ANXA6: variants seen among roughly 807,000 people sequenced by gnomAD.
ANXA6 encodes the protein 67 kDa calelectrin.
In ANXA6, 71 loss-of-function variants were observed where a neutral mutation model predicts 95.4. The observed-to-expected ratio is 0.74, with a 90% CI of 0.61 to 0.91. The LOEUF (loss-of-function observed/expected upper bound fraction) is 0.91, where lower values mean the gene tolerates loss of function less well. ANXA6 is among the 40% of genes least tolerant of loss of function. The pLI is 0.00. For missense variants in ANXA6, 830 were observed against 876.4 expected (o/e 0.95, Z 0.67); for synonymous variants, 289 against 315.9 (o/e 0.91, Z 0.90).
intron 19 of ANXA6, 131 bp downstream of exon 19, chr5:151,117,627 C>T: frequency 1.3e-6 from 1 of 776,628 alleles, no homozygotes; most frequent in Non-Finnish European, 2.1e-6. Flanking sequence ...TCTAAGGAGG[C>T]AAGTGGGGAG....
chr5:151,101,850 C>T (rs1764559800), intron 25 of ANXA6, among the ~76,000 whole-genome samples: 1 of 152,198 alleles, frequency 6.6e-6, no homozygotes, highest in African/African-American at 2.4e-5. Context: ...CTGTGCACCC[C>T]CAATCCCATT....
At position 151,122,140 on chromosome 5, in the gene ANXA6, A is replaced by G. The variant is rs1765184537; in HGVS notation, c.1347+7T>C. On this transcript the variant is annotated splice_region_variant and intron_variant, in intron 17 of 25. Coordinates refer to ENST00000354546, the MANE Select transcript of ANXA6 (RefSeq NM_001155.5). Reference sequence around the variant, plus strand: ...CAGACACTAGACCCCCTGGTGCCACACTGTACCTCCATGGCCTTCTTCAAC... The same window carrying G: ...CAGACACTAGACCCCCTGGTGCCACGCTGTACCTCCATGGCCTTCTTCAAC... The G allele has an allele frequency of 1.3e-6, 2 of 1,571,684 alleles. No homozygotes were observed. The highest frequency in any genetic ancestry group is 2.8e-5 in the African/African-American group (2 of 72,374).
At chr5:151,152,253 G>A (rs777901226) in intron 1 of ANXA6, among the ~76,000 whole-genome samples, 7 of 152,214 alleles carry the variant, frequency 4.6e-5, no homozygotes, top group East Asian at 1.9e-4. Flanking sequence ...ATGAAGTAAC[G>A]GGGGGAAAAC....
At chr5:151,113,029 C>T (rs751016196) in intron 20 of ANXA6, among the ~76,000 whole-genome samples, 14 of 152,126 alleles carry the variant, frequency 9.2e-5, no homozygotes, top group Admixed American at 4.6e-4. Flanking sequence ...TTTTGCATGA[C>T]GAAAACAGTT....
intron 2 of ANXA6, among the ~76,000 whole-genome samples, chr5:151,144,123 CT>C (rs1357953767): frequency 3.3e-5 from 5 of 152,192 alleles, no homozygotes; most frequent in African/African-American, 4.8e-5. Context: ...AGCTCTAGCC[CT>C]GCTGGGCTGG....
At position 151,131,301 on chromosome 5, in the gene ANXA6, G is replaced by A. The variant is rs901253786; in HGVS notation, c.737-12C>T. On this transcript the variant is annotated splice_polypyrimidine_tract_variant and intron_variant, in intron 10 of 25. Transcript: ENST00000354546. ...CCGGATACACTTCACTGTGAAGAGG[G>A]AGGAAGAGGTAGAGTTATTCTGGCT... is the stretch of plus-strand genomic sequence containing the variant. 1.2e-6 allele frequency: 2 copies of A among 1,613,862 alleles called. No homozygotes were observed. The highest frequency in any genetic ancestry group is 1.3e-5 in the African/African-American group (1 of 75,050).
At chr5:151,147,825 G>A in intron 2 of ANXA6, 59 bp downstream of exon 2, 2 of 1,559,224 alleles carry the variant, frequency 1.3e-6, no homozygotes, top group South Asian at 2.3e-5. Context: ...AGTGGCTCCA[G>A]GAGGATCCCA....
intron 14 of ANXA6, among the ~76,000 whole-genome samples, chr5:151,125,462 A>C (rs1010053175): frequency 6.6e-6 from 1 of 152,228 alleles, no homozygotes; most frequent in South Asian, 2.1e-4. Flanking sequence ...TAATAAAAAC[A>C]AAAGAGGTGA....
Position 151,124,156 on chromosome 5 carries a change from T to C in ANXA6, c.1138+130A>G, listed in dbSNP as rs184680498. The stretch of plus-strand genomic sequence containing the variant: ...CTCTGGGAGCTAGGAGGGTGGAAAC[T>C]TGAGATCAAGCCTTCCTCATCCTGC... On this transcript the variant is annotated intron_variant, in intron 15 of 25. Transcript: ENST00000354546. 665 of 790,682 alleles carry C rather than the reference T, an allele frequency of 8.4e-4. 4 individuals are homozygous for C. The African/African-American group carries it at 0.01, about 12-fold the overall frequency. The allele number at this position is 790,682 out of a possible 1,614,324, so 49.0% of individuals were successfully genotyped here. A position where few individuals can be genotyped will look rare whatever the true frequency, so the allele number is the denominator to read the frequency against.
intron 4 of ANXA6, chr5:151,138,994 C>A: frequency 1.7e-6 from 1 of 605,416 alleles, no homozygotes; most frequent in South Asian, 2.0e-5. Context: ...TGTCATGCTG[C>A]TAGCAAACGG....
chr5:151,130,707 G>T (rs1006985552), intron 11 of ANXA6, among the ~76,000 whole-genome samples: 4 of 134,734 alleles, frequency 3.0e-5, no homozygotes, highest in African/African-American at 8.6e-5. Context: ...GGCCAGAAAG[G>T]CCCAAGCTCC....
At chr5:151,107,428 C>G (rs1200083297) in intron 23 of ANXA6, among the ~76,000 whole-genome samples, 1 of 152,148 alleles carries the variant, frequency 6.6e-6, no homozygotes. Context: ...TGCTTTTATT[C>G]GTCGGGCTAT....
At chr5:151,138,374 A>G (rs12519495) in intron 5 of ANXA6, among the ~76,000 whole-genome samples, 38,788 of 152,104 alleles carry the variant, frequency 0.26, 5,955 homozygotes, top group South Asian at 0.53. Context: ...GCCCAGGGTC[A>G]TGTTGATTAC....
intron 20 of ANXA6, among the ~76,000 whole-genome samples, chr5:151,113,164 G>T (rs1764897372): frequency 6.6e-6 from 1 of 152,188 alleles, no homozygotes; most frequent in African/African-American, 2.4e-5. Context: ...ACTTTGGGAG[G>T]CTGAGGCAGG....
intron 23 of ANXA6, among the ~76,000 whole-genome samples, chr5:151,105,602 G>A (rs924454439): frequency 1.3e-5 from 2 of 152,148 alleles, no homozygotes; most frequent in African/African-American, 4.8e-5. Context: ...CCAAGGCACG[G>A]GGCCTCAAAT....
intron 20 of ANXA6, among the ~76,000 whole-genome samples, chr5:151,114,613 T>TAAAAAAAAAAAAAAAAAAAAAA: frequency 1.4e-5 from 1 of 70,298 alleles, no homozygotes; most frequent in East Asian, 5.0e-4. Context: ...GACTCCGTCT[T>TAAAAAAAAAAAAAAAAAAAAAA]AAAAAAAAAA....
At chr5:151,131,641 G>T (rs1038440288) in intron 10 of ANXA6, among the ~76,000 whole-genome samples, 1 of 152,138 alleles carries the variant, frequency 6.6e-6, no homozygotes, top group Admixed American at 6.5e-5. Flanking sequence ...CACCAGAAAG[G>T]TACTGGCAGC....
At chr5:151,107,807 T>G (rs886993518) in intron 23 of ANXA6, among the ~76,000 whole-genome samples, 2 of 152,202 alleles carry the variant, frequency 1.3e-5, no homozygotes, top group African/African-American at 4.8e-5. Flanking sequence ...TCAAATTATA[T>G]AAGCGTAACC....
chr5:151,117,190 G>T lies in ANXA6; in HGVS notation c.1519-10C>A. On this transcript the variant is annotated splice_polypyrimidine_tract_variant and intron_variant, in intron 19 of 25. Coordinates refer to ENST00000354546, the MANE Select transcript of ANXA6 (RefSeq NM_001155.5). ...CCTCCTCACGATGCCCCTGCAGCAG[G>T]AGCAGCAAGAAAGTTCAGTCCCCAA... The T allele has an allele frequency of 6.3e-7, 1 of 1,586,844 alleles. No homozygotes were observed. Among genetic ancestry groups the T allele is most frequent in the Non-Finnish European group, 8.6e-7 (1 of 1,163,988 alleles).
Sources: allele counts gnomAD v4.1 joint callset (sites outside exome capture counted in the v4.1 genomes callset), GRCh38; gene constraint gnomAD v4.1.1; transcripts MANE v1.5; gene names NCBI Gene and HGNC (gene_info 2026-07-23, HGNC 2026-07-21).